The following ARHGEF25 variants were observed in gnomAD, a reference collection of about 807,000 sequenced individuals.
The protein encoded by ARHGEF25 is RAC/CDC42 exchange factor.
Under a neutral mutation model 74.0 loss-of-function variants are expected in ARHGEF25, and 42 were observed. The observed-to-expected ratio is 0.57, with a 90% CI of 0.44 to 0.73. ARHGEF25 has a LOEUF of 0.73. Among genes scored for constraint, ARHGEF25 ranks in the 30% least tolerant of loss-of-function variants. The pLI is 0.00. For missense variants in ARHGEF25, 645 were observed against 725.5 expected (o/e 0.89, Z 1.27); for synonymous variants, 293 against 278.6 (o/e 1.05, Z -0.51).
At position 57,614,154 on chromosome 12, in the gene ARHGEF25, G is replaced by T. The variant is rs78827077; in HGVS notation, c.656+35G>T. 0.022 allele frequency: 34,939 copies of T among 1,609,144 alleles called. 467 individuals are homozygous for T. The highest frequency in any genetic ancestry group is 0.025 in the Non-Finnish European group (29,946 of 1,175,628). ...GGAACTCTGACAGCTAGGTGCTGGA[G>T]AGGGGCCCTCATCTGGTTGTCCTGT... On this transcript the variant is annotated intron_variant, in intron 6 of 14. Transcript: ENST00000286494. This position sits in a 1 kb window ranked among gnomAD's most constrained non-coding sequence, Gnocchi z 4.6.
At position 57,613,041 on chromosome 12, in the gene ARHGEF25, G is replaced by A; in HGVS notation, c.209G>A (p.Gly70Asp). The change falls in exon 2 of 15, where the codon GGC (glycine) becomes GAC (aspartate). Residue 70 changes from glycine (G) to aspartate (D), a missense_variant. Gly to Asp is a moderately conservative substitution (Grantham distance 94, BLOSUM62 -1). This residue lies in a region of ARHGEF25 where 189 missense variants were observed against 199.1 expected (regional missense o/e 0.95). Coordinates refer to ENST00000286494, the MANE Select transcript of ARHGEF25 (RefSeq NM_182947.4). ...CTCAGCTCTGGCCCCTGTTCCCCAG[G>A]CCCCCCAGGGCCCGTCAGTGGCCTG... ...SGLSSGPCSPGPPGPVSGLRR... is the reference protein window; with the variant it reads ...SGLSSGPCSPDPPGPVSGLRR... 1.2e-6 allele frequency: 2 copies of A among 1,614,066 alleles called. No homozygotes were observed. Among genetic ancestry groups the A allele is most frequent in the South Asian group, 1.1e-5 (1 of 91,080 alleles).
intron 10 of ARHGEF25, 93 bp from the exon 11 acceptor site, chr12:57,615,144 G>C: frequency 6.4e-7 from 1 of 1,559,588 alleles, no homozygotes; most frequent in Non-Finnish European, 8.7e-7. Context: ...TTGGGGTTGA[G>C]ATACCGTCTG....
chr12:57,613,764 G>C lies in ARHGEF25; in HGVS notation c.552+4G>C, dbSNP rs1287937319. On this transcript the variant is annotated splice_donor_region_variant and intron_variant, in intron 5 of 14. Coordinates refer to ENST00000286494, the MANE Select transcript of ARHGEF25 (RefSeq NM_182947.4). Reference sequence around the variant, plus strand: ...CGACTTGGGGCAGATTGTGGAGGTAGCTCCCTTTACCCCTTCCCAGCCCCT... The same window carrying C: ...CGACTTGGGGCAGATTGTGGAGGTACCTCCCTTTACCCCTTCCCAGCCCCT... 1 of 1,613,916 alleles carries C rather than the reference G, an allele frequency of 6.2e-7. No individual in the cohort carries two copies. Among genetic ancestry groups the C allele is most frequent in the Admixed American group, 1.7e-5 (1 of 60,008 alleles).
chr12:57,611,574 G>A lies in ARHGEF25; in HGVS notation c.-321G>A. The A allele has an allele frequency of 1.0e-6, 1 of 1,002,354 alleles. No individual in the cohort carries two copies. 62.1% of individuals were successfully genotyped at this position (1,002,354 alleles called of 1,614,324 possible). On this transcript the variant is annotated 5_prime_UTR_variant, in exon 1 of 15. Transcript: ENST00000286494. The surrounding 1 kb of genome is among the most constrained non-coding windows in gnomAD (Gnocchi z 4.5). ...GGAGCGGCTGCCGCATCCCGGCCCA[G>A]CCTCCCCTACCATCCCTCCCCCTTC...
intron 10 of ARHGEF25, 109 bp downstream of exon 10, chr12:57,615,126 G>A: frequency 6.4e-7 from 1 of 1,562,984 alleles, no homozygotes; most frequent in East Asian, 2.3e-5. Flanking sequence ...TTTTTAGGGG[G>A]AGGCTGGTTG....
intron 1 of ARHGEF25, 43 bp from the exon 2 acceptor site, chr12:57,612,887 C>A: frequency 6.3e-7 from 1 of 1,587,638 alleles, no homozygotes; most frequent in Non-Finnish European, 8.6e-7. Flanking sequence ...GAGTCTGGAG[C>A]TGGGGCAAGG....
At chr12:57,612,618 C>G in intron 1 of ARHGEF25, 1 of 926,742 alleles carries the variant, frequency 1.1e-6, no homozygotes, top group Non-Finnish European at 1.4e-6. Context: ...ATGGCCACCC[C>G]CAGCTTCCAA....
upstream of ARHGEF25, chr12:57,610,728 G>A: frequency 6.6e-7 from 1 of 1,510,500 alleles, no homozygotes; most frequent in Admixed American, 2.0e-5. Context: ...GCTATCCTGC[G>A]CCAAGTGGCG....
At chr12:57,612,024 GTGGGGGGCGGGC>G in intron 1 of ARHGEF25, 33 bp downstream of exon 1, 1 of 1,283,940 alleles carries the variant, frequency 7.8e-7, no homozygotes, top group Non-Finnish European at 1.0e-6. Context: ...CCAGTGTTGA[GTGGGGGGCGGGC>G]TGGGGGTTCA....
In ARHGEF25 at chr12:57,611,443, C is replaced by T. The variant is rs1884034747; in HGVS notation, c.-452C>T. The stretch of plus-strand genomic sequence containing the variant: ...CCGCGGCCAGGCCTGTTATTCAGCT[C>T]TCCGCTCCGCTGGGACCCGCACAGC... On this transcript the variant is annotated 5_prime_UTR_variant, in exon 1 of 15. Transcript: ENST00000286494. The surrounding 1 kb of genome is among the most constrained non-coding windows in gnomAD (Gnocchi z 4.5). 2 of 985,292 alleles carry T rather than the reference C, an allele frequency of 2.0e-6. No homozygotes were observed. The highest frequency in any genetic ancestry group is 4.7e-5 in the South Asian group (1 of 21,290). The allele number at this position is 985,292 out of a possible 1,614,324, so 61.0% of individuals were successfully genotyped here. A position where few individuals can be genotyped will look rare whatever the true frequency, so the allele number is the denominator to read the frequency against.
In ARHGEF25 at chr12:57,614,711, A is replaced by T. The variant is rs1485139707; in HGVS notation, c.839A>T (p.His280Leu). Residue 280 changes from histidine (H) to leucine (L), a missense_variant, in exon 9 of 15, where the codon CAC becomes CTC. Coordinates refer to ENST00000286494, the MANE Select transcript of ARHGEF25 (RefSeq NM_182947.4). The surrounding 1 kb of genome is among the most constrained non-coding windows in gnomAD (Gnocchi z 4.6). ...YFEELRQQLG[H>L]RLQLNDLLIK... ...CAGGAGCTCCGGCAGCAGCTGGGGC[A>T]CCGCCTGCAGCTGAACGACCTCCTC... The T allele has an allele frequency of 6.2e-7, 1 of 1,613,396 alleles. No individual in the cohort carries two copies. The highest frequency in any genetic ancestry group is 8.5e-7 in the Non-Finnish European group (1 of 1,179,852).
chr12:57,610,437 A>G, upstream of ARHGEF25: 2 of 1,075,442 alleles, frequency 1.9e-6, no homozygotes, highest in Non-Finnish European at 2.6e-6. Context: ...CATGAATTCT[A>G]TTACGAGGGC....
Position 57,614,313 on chromosome 12 carries a change from C to T in ARHGEF25, c.657-18C>T, listed in dbSNP as rs1479285699. The T allele has an allele frequency of 6.2e-7, 1 of 1,613,972 alleles. No homozygotes were observed. Among genetic ancestry groups the T allele is most frequent in the Non-Finnish European group, 8.5e-7 (1 of 1,179,938 alleles). On this transcript the variant is annotated intron_variant, in intron 6 of 14. Transcript: ENST00000286494. This position sits in a 1 kb window ranked among gnomAD's most constrained non-coding sequence, Gnocchi z 4.6. ...GTGAAATGTATTTGACCTGCTGCTT[C>T]TCTACCAACCCCTCCAGCTATTTCT...
At chr12:57,612,026 G>T (rs368980310) in intron 1 of ARHGEF25, 35 bp downstream of exon 1, 8 of 1,280,854 alleles carry the variant, frequency 6.2e-6, no homozygotes, top group Non-Finnish European at 8.0e-6. Context: ...AGTGTTGAGT[G>T]GGGGGCGGGC....
In ARHGEF25 at chr12:57,614,154, G is replaced by C; in HGVS notation, c.656+35G>C. Reference sequence around the variant, plus strand: ...GGAACTCTGACAGCTAGGTGCTGGAGAGGGGCCCTCATCTGGTTGTCCTGT... The same window carrying C: ...GGAACTCTGACAGCTAGGTGCTGGACAGGGGCCCTCATCTGGTTGTCCTGT... On this transcript the variant is annotated intron_variant, in intron 6 of 14. Coordinates refer to ENST00000286494, the MANE Select transcript of ARHGEF25 (RefSeq NM_182947.4). The surrounding 1 kb of genome is among the most constrained non-coding windows in gnomAD (Gnocchi z 4.6). 6.2e-7 allele frequency: 1 copy of C among 1,609,226 alleles called. No individual in the cohort carries two copies. The highest frequency in any genetic ancestry group is 8.5e-7 in the Non-Finnish European group (1 of 1,175,708).
rs773228709 is a variant in ARHGEF25, at chr12:57,613,297, G to A, written c.346G>A (p.Glu116Lys). Residue 116 changes from glutamate to lysine, a missense_variant, in exon 3 of 15, where the codon GAG (glutamate) becomes AAG (lysine). By Grantham distance (56) the Glu-to-Lys change is moderately conservative (BLOSUM62 1). This residue lies in a region of ARHGEF25 where 189 missense variants were observed against 199.1 expected (regional missense o/e 0.95). Coordinates refer to ENST00000286494, the MANE Select transcript of ARHGEF25 (RefSeq NM_182947.4). ...WMLEPALATG[E>K]ELPELTLLTT... ...GTTGGAGCCAGCTCTAGCCACAGGA[G>A]AGGAGCTGCCGGAACTGACCTTGCT... is the stretch of plus-strand genomic sequence containing the variant. 3.7e-6 allele frequency: 6 copies of A among 1,614,144 alleles called. No homozygotes were observed. In the South Asian group the frequency reaches 4.4e-5, roughly 12 times the overall value.
At position 57,615,588 on chromosome 12, in the gene ARHGEF25, T is replaced by C; in HGVS notation, c.1115T>C (p.Leu372Pro). The change falls in exon 12 of 15, where the codon CTG (leucine) becomes CCG (proline). Residue 372 changes from leucine to proline, a missense_variant. Physicochemically the swap from Leu to Pro is moderately conservative, Grantham distance 98. Coordinates refer to ENST00000286494, the MANE Select transcript of ARHGEF25 (RefSeq NM_182947.4). ...ACCGAGCCTGAGGCTGGAGGGCTGC[T>C]GTCTTCCCGAGGTCGAGAGAGGCGC... The part of the protein sequence containing the change: ...WVTEPEAGGL[L>P]SSRGRERRVF... The C allele has an allele frequency of 6.2e-7, 1 of 1,614,234 alleles. No individual in the cohort carries two copies. Among genetic ancestry groups the C allele is most frequent in the South Asian group, 1.1e-5 (1 of 91,090 alleles).
At chr12:57,612,035 G>A in intron 1 of ARHGEF25, 44 bp downstream of exon 1, 2 of 1,261,918 alleles carry the variant, frequency 1.6e-6, no homozygotes, top group East Asian at 2.8e-5. Context: ...TGGGGGGCGG[G>A]CTGGGGGTTC....
In ARHGEF25 at chr12:57,611,670, C is replaced by T. The variant is rs1206710814; in HGVS notation, c.-225C>T. The T allele has an allele frequency of 9.8e-6, 11 of 1,118,182 alleles. No homozygotes were observed. The highest frequency in any genetic ancestry group is 1.1e-5 in the Non-Finnish European group (10 of 915,326). 69.3% of individuals were successfully genotyped at this position (1,118,182 alleles called of 1,614,324 possible). ...AAACCCTCCCCGCCCAGCCCGGCGGCCGGGCCCCGCGCCTCTCTCTCTCTA... is the reference window on the plus strand; with the variant it reads ...AAACCCTCCCCGCCCAGCCCGGCGGTCGGGCCCCGCGCCTCTCTCTCTCTA... On this transcript the variant is annotated 5_prime_UTR_variant, in exon 1 of 15. Transcript: ENST00000286494. The surrounding 1 kb of genome is among the most constrained non-coding windows in gnomAD (Gnocchi z 4.5).
Sources: allele counts gnomAD v4.1 joint callset, GRCh38; gene constraint gnomAD v4.1.1; regional missense constraint gnomAD v4.1.1; non-coding constraint Gnocchi (gnomAD v3.1); transcripts MANE v1.5; gene names NCBI Gene and HGNC (gene_info 2026-07-23, HGNC 2026-07-21).